The following MASP2 variants were observed in gnomAD, a reference collection of about 807,000 sequenced individuals.
The protein encoded by MASP2 is mannan-binding lectin serine protease 2.
Under a neutral mutation model 57.1 loss-of-function variants are expected in MASP2, and 49 were observed. The observed-to-expected ratio is 0.86, with a 90% CI of 0.68 to 1.09. MASP2 has a LOEUF of 1.09. Ranked by LOEUF, MASP2 falls within the 50% of genes least tolerant of loss-of-function variation. MASP2 has a pLI of 0.00. For missense variants in MASP2, 900 were observed against 874.8 expected (o/e 1.03, Z -0.36); for synonymous variants, 379 against 340.8 (o/e 1.11, Z -1.24).
intron 8 of MASP2, among the ~76,000 whole-genome samples, chr1:11,031,737 T>G (rs1372851786): frequency 6.6e-6 from 1 of 151,538 alleles, no homozygotes; most frequent in African/African-American, 2.4e-5. Flanking sequence ...AGGACCAGTC[T>G]GGGCAATAGC....
intron 7 of MASP2, among the ~76,000 whole-genome samples, chr1:11,036,433 A>G (rs1363010307): frequency 2.1e-5 from 3 of 142,452 alleles, no homozygotes; most frequent in Non-Finnish European, 3.0e-5. Context: ...GAACCCGGGA[A>G]GCGGAGCTTG....
intron 6 of MASP2, among the ~76,000 whole-genome samples, chr1:11,041,735 GTGAAGAATGGGTGGGTGGGTGGATGGA>G (rs202137895): frequency 0.014 from 5 of 350 alleles, no homozygotes; most frequent in Admixed American, 0.045. Flanking sequence ...GGATGGATGG[GTGAAGAATGGGTGGGTGGGTGGATGGA>G]TGGAAGAATG....
intron 4 of MASP2, 73 bp downstream of exon 4, chr1:11,045,311 CCAGGCCCTCCGCACCCCTGGGCAG>C (rs1638596143): frequency 6.3e-7 from 1 of 1,578,684 alleles, no homozygotes; most frequent in African/African-American, 1.3e-5. Context: ...TGTCCAGGGC[CCAGGCCCTCCGCACCCCTGGGCAG>C]AGCAGCAATG....
At position 11,027,129 on chromosome 1, in the gene MASP2, G is replaced by A; in HGVS notation, c.1817C>T (p.Pro606Leu). The A allele has an allele frequency of 6.2e-7, 1 of 1,612,736 alleles. No individual in the cohort carries two copies. Among genetic ancestry groups the A allele is most frequent in the Non-Finnish European group, 8.5e-7 (1 of 1,179,364 alleles). Reference sequence around the variant, plus strand: ...AGCAGTTACACTTCCCCTTGGATAGGGTGGCTTTTCATATGCAGCAGTACA... The same window carrying A: ...AGCAGTTACACTTCCCCTTGGATAGAGTGGCTTTTCATATGCAGCAGTACA... ...QKCTAAYEKPPYPRGSVTANM... is the reference protein window; with the variant it reads ...QKCTAAYEKPLYPRGSVTANM... Residue 606 changes from proline (P) to leucine (L), a missense_variant, in exon 11 of 11, where the codon CCC becomes CTC. Pro to Leu is a moderately conservative substitution (Grantham distance 98). Coordinates refer to ENST00000400897, the MANE Select transcript of MASP2 (RefSeq NM_006610.4).
rs1643764210 is a variant in MASP2, at chr1:11,027,747, A to G, written c.1298-99T>C. The G allele has an allele frequency of 3.9e-6, 5 of 1,274,632 alleles. No homozygotes were observed. In the South Asian group the frequency reaches 7.4e-5, roughly 19 times the overall value. 79.0% of individuals were successfully genotyped at this position (1,274,632 alleles called of 1,614,324 possible). A position where few individuals can be genotyped will look rare whatever the true frequency, so the allele number is the denominator to read the frequency against. ...TTGAAGTATATATTTGATGTCAACCAAAAATTATATTACATGAATTGGTGG... is the reference window on the plus strand; with the variant it reads ...TTGAAGTATATATTTGATGTCAACCGAAAATTATATTACATGAATTGGTGG... On this transcript the variant is annotated intron_variant, in intron 10 of 10. Transcript: ENST00000400897.
intron 7 of MASP2, among the ~76,000 whole-genome samples, chr1:11,035,961 G>GACTT (rs1438667522): frequency 1.3e-5 from 2 of 150,372 alleles, no homozygotes; most frequent in Admixed American, 1.3e-4. Flanking sequence ...GGTGTGATCA[G>GACTT]ACTTGCAAGT....
At chr1:11,034,397 T>TAA (rs58086905) in intron 8 of MASP2, among the ~76,000 whole-genome samples, 2 of 141,904 alleles carry the variant, frequency 1.4e-5, no homozygotes, top group Non-Finnish European at 1.5e-5. Context: ...AATGGATCAT[T>TAA]AAAAAAAAAA....
chr1:11,043,240 G>A (rs559872666), intron 5 of MASP2, 99 bp downstream of exon 5: 71 of 1,166,472 alleles, frequency 6.1e-5, no homozygotes, highest in Non-Finnish European at 8.1e-5. Context: ...GTCACCGAGG[G>A]TGACGGGAAC....
In MASP2 at chr1:11,037,785, G is replaced by A; in HGVS notation, c.916C>T (p.Pro306Ser). 6.2e-7 allele frequency: 1 copy of A among 1,612,612 alleles called. No homozygotes were observed. The highest frequency in any genetic ancestry group is 8.5e-7 in the Non-Finnish European group (1 of 1,179,442). The change falls in exon 7 of 11, where the codon CCA becomes TCA. Residue 306 changes from proline to serine, a missense_variant. Coordinates refer to ENST00000400897, the MANE Select transcript of MASP2 (RefSeq NM_006610.4). ...ACAGGTGAAACGTGGCCATTAGGTG[G>A]CGCCATCGGATAAGGGCAAGGCTGC... ...TAQPCPYPMA[P>S]PNGHVSPVQA...
At position 11,026,834 on chromosome 1, in the gene MASP2, T is replaced by C; in HGVS notation, c.*51A>G. ...TTCTCGAGCCACGTCGCTGCCAAGGTCTTCACAGGCATTTCTAAAAATGAA... is the reference window on the plus strand; with the variant it reads ...TTCTCGAGCCACGTCGCTGCCAAGGCCTTCACAGGCATTTCTAAAAATGAA... On this transcript the variant is annotated 3_prime_UTR_variant, in exon 11 of 11. Transcript: ENST00000400897. 2 of 1,428,246 alleles carry C rather than the reference T, an allele frequency of 1.4e-6. No homozygotes were observed. The highest frequency in any genetic ancestry group is 1.8e-6 in the Non-Finnish European group (2 of 1,081,656). The allele number at this position is 1,428,246 out of a possible 1,614,324, so 88.5% of individuals were successfully genotyped here. A position where few individuals can be genotyped will look rare whatever the true frequency, so the allele number is the denominator to read the frequency against.
chr1:11,037,846 G>T, intron 6 of MASP2, 35 bp from the exon 7 acceptor site: 1 of 1,301,494 alleles, frequency 7.7e-7, no homozygotes, highest in Non-Finnish European at 1.1e-6. Context: ...TGGTTTTCAT[G>T]TGGTCTACAG....
At chr1:11,028,697 GTTTTTTTTC>G (rs1439430874) in intron 10 of MASP2, among the ~76,000 whole-genome samples, 37 of 36,174 alleles carry the variant, frequency 1.0e-3, no homozygotes, top group African/African-American at 4.1e-3. Context: ...ATCTTTCTGG[GTTTTTTTTC>G]TTTTTTTTTT....
intron 10 of MASP2, among the ~76,000 whole-genome samples, chr1:11,028,051 G>A (rs1557665062): frequency 6.6e-6 from 1 of 152,016 alleles, no homozygotes; most frequent in Admixed American, 6.6e-5. Flanking sequence ...GTGAGACCCT[G>A]TCTCTACTAC....
intron 8 of MASP2, 110 bp from the exon 9 acceptor site, chr1:11,030,992 C>G: frequency 3.4e-6 from 4 of 1,174,370 alleles, no homozygotes; most frequent in Non-Finnish European, 3.5e-6. Context: ...CCCTTGAGCT[C>G]AGGAGTTTGA....
intron 10 of MASP2, among the ~76,000 whole-genome samples, chr1:11,029,334 G>A (rs1643800337): frequency 6.7e-6 from 1 of 150,232 alleles, no homozygotes; most frequent in South Asian, 2.1e-4. Flanking sequence ...TACAGAGGGG[G>A]AGGTTGCAGT....
At chr1:11,046,503 C>G in intron 3 of MASP2, 53 bp downstream of exon 3, 1 of 1,599,990 alleles carries the variant, frequency 6.3e-7, no homozygotes, top group South Asian at 1.1e-5. Flanking sequence ...GACAGAGTTA[C>G]CCCCACAGCC....
At chr1:11,032,749 A>G (rs1322191424) in intron 8 of MASP2, among the ~76,000 whole-genome samples, 1 of 151,940 alleles carries the variant, frequency 6.6e-6, no homozygotes, top group Non-Finnish European at 1.5e-5. Context: ...TCTCTACTAA[A>G]AATAGAAAAA....
Position 11,027,540 on chromosome 1 carries a change from G to T in MASP2, c.1406C>A (p.Ala469Glu), listed in dbSNP as rs913332645. The change falls in exon 11 of 11, where the codon GCA becomes GAA. Residue 469 changes from alanine (A) to glutamate (E), a missense_variant. Transcript: ENST00000400897. ...CCAGTTGTCATATAAAAGTGCACCT[G>T]CTGCTGTGGTTCCACCTAATATCAG... ...QVLILGGTTAAGALLYDNWVL... is the reference protein window; with the variant it reads ...QVLILGGTTAEGALLYDNWVL... The T allele has an allele frequency of 1.2e-5, 20 of 1,614,196 alleles. No individual in the cohort carries two copies. Among genetic ancestry groups the T allele is most frequent in the Non-Finnish European group, 1.7e-5 (20 of 1,180,032 alleles).
At position 11,027,459 on chromosome 1, in the gene MASP2, T is replaced by C. The variant is rs764475083; in HGVS notation, c.1487A>G (p.Asp496Gly). The stretch of plus-strand genomic sequence containing the variant: ...TCTTTTCAGGGTGCCCATTCGAATG[T>C]CCAGGGCGGATGCATCATGTTTTTG... ...YEQKHDASAL[D>G]IRMGTLKRLS... The change falls in exon 11 of 11, where the codon GAC (aspartate) becomes GGC (glycine). Residue 496 changes from aspartate (D) to glycine (G), a missense_variant. By Grantham distance (94) the Asp-to-Gly change is moderately conservative (BLOSUM62 -1). Coordinates refer to ENST00000400897, the MANE Select transcript of MASP2 (RefSeq NM_006610.4). 1 of 1,614,056 alleles carries C rather than the reference T, an allele frequency of 6.2e-7. No homozygotes were observed. Among genetic ancestry groups the C allele is most frequent in the Admixed American group, 1.7e-5 (1 of 60,014 alleles).
Sources: allele counts gnomAD v4.1 joint callset (sites outside exome capture counted in the v4.1 genomes callset), GRCh38; gene constraint gnomAD v4.1.1; transcripts MANE v1.5; gene names NCBI Gene and HGNC (gene_info 2026-07-23, HGNC 2026-07-21).